PCDHGA5: variants seen among roughly 807,000 people sequenced by gnomAD.
The protein encoded by PCDHGA5 is protocadherin gamma subfamily A, 5.
In PCDHGA5, 36 loss-of-function variants were observed where a neutral mutation model predicts 56.7. The observed-to-expected ratio is 0.64, with a 90% CI of 0.49 to 0.84. PCDHGA5 has a LOEUF of 0.84. Ranked by LOEUF, PCDHGA5 falls within the 40% of genes least tolerant of loss-of-function variation. PCDHGA5 has a pLI of 0.00. For synonymous variants in PCDHGA5, 563 were observed against 520.2 expected, an observed-to-expected ratio of 1.08 and a Z score of -1.12; for missense variants, 1,305 against 1,201.5, an observed-to-expected ratio of 1.09 and a Z score of -1.27.
rs377701820 is a variant in PCDHGA5 at position 141,422,031 on chromosome 5, G to A, written c.2421+55280G>A. On this transcript the variant is annotated intron_variant, in intron 1 of 3. Coordinates refer to ENST00000518069, the MANE Select transcript of PCDHGA5 (RefSeq NM_018918.3). ...CTCGGGTGCTGATGGTTAATGCAAC[G>A]GATCCAGACGAGGGAATCAACGGGG... 127 of 1,610,494 alleles carry A rather than the reference G, an allele frequency of 7.9e-5. No individual in the cohort carries two copies. In the East Asian group the frequency reaches 2.4e-3, roughly 31 times the overall value.
At chr5:141,446,202 G>T (rs780900822) in intron 1 of PCDHGA5, among the ~76,000 whole-genome samples, 13 of 152,094 alleles carry the variant, frequency 8.5e-5, no homozygotes, top group Non-Finnish European at 1.8e-4. Context: ...ATATTCCTAG[G>T]TGTCTGAAAA....
At chr5:141,395,896 A>C (rs1229120477) in intron 1 of PCDHGA5, 2 of 152,188 alleles carry the variant, frequency 1.3e-5, no homozygotes, top group Admixed American at 6.5e-5. Flanking sequence ...CCTGGGCTCC[A>C]TGCCCATGGA....
chr5:141,435,254 G>C (rs1220755047), intron 1 of PCDHGA5, among the ~76,000 whole-genome samples: 1 of 152,018 alleles, frequency 6.6e-6, no homozygotes, highest in African/African-American at 2.4e-5. Flanking sequence ...GGCCATTAGG[G>C]ATATGTCCAT....
chr5:141,417,954 C>G, intron 1 of PCDHGA5: 2 of 1,613,600 alleles, frequency 1.2e-6, no homozygotes, highest in South Asian at 1.1e-5. Flanking sequence ...CTGTGTGAGC[C>G]GATCCGCTAC....
chr5:141,384,465 T>C, intron 1 of PCDHGA5: 2 of 1,614,118 alleles, frequency 1.2e-6, no homozygotes, highest in Non-Finnish European at 1.7e-6. Flanking sequence ...CCTTTGATTA[T>C]GAGCAGTTGA....
chr5:141,408,197 C>A (rs2095057098), intron 1 of PCDHGA5: 5 of 1,546,080 alleles, frequency 3.2e-6, no homozygotes, highest in Non-Finnish European at 4.4e-6. Context: ...AGAACCCGAG[C>A]GAACGATGGG....
chr5:141,403,021 A>G (rs1367554344), intron 1 of PCDHGA5: 2 of 1,613,944 alleles, frequency 1.2e-6, no homozygotes, highest in African/African-American at 1.3e-5. Flanking sequence ...TGGGGATGCT[A>G]TGGGAGGCCA....
At position 141,486,449 on chromosome 5, in the gene PCDHGA5, A is replaced by G; in HGVS notation, c.2422-8358A>G. On this transcript the variant is annotated intron_variant, in intron 1 of 3. Coordinates refer to ENST00000518069, the MANE Select transcript of PCDHGA5 (RefSeq NM_018918.3). The surrounding 1 kb of genome is among the most constrained non-coding windows in gnomAD (Gnocchi z 5.0). The stretch of plus-strand genomic sequence containing the variant: ...CAAATCTAGCTATGACATCATGGTC[A>G]CTGCTTCTGATGCTGGGAACCCTCC... The G allele has an allele frequency of 6.2e-7, 1 of 1,614,184 alleles. No homozygotes were observed. Among genetic ancestry groups the G allele is most frequent in the Non-Finnish European group, 8.5e-7 (1 of 1,180,000 alleles).
chr5:141,439,443 G>A (rs867907022), intron 1 of PCDHGA5, among the ~76,000 whole-genome samples: 1 of 152,164 alleles, frequency 6.6e-6, no homozygotes, highest in Non-Finnish European at 1.5e-5. Flanking sequence ...ATATTTTATT[G>A]CGGGAGCAAG....
Position 141,477,966 on chromosome 5 carries a change from G to A in PCDHGA5, c.2422-16841G>A, listed in dbSNP as rs2099426792. 6.2e-7 allele frequency: 1 copy of A among 1,614,118 alleles called. No individual in the cohort carries two copies. The highest frequency in any genetic ancestry group is 8.5e-7 in the Non-Finnish European group (1 of 1,180,036). ...AGTCTCTTGGGATCCCCTAACCAGAGCCTTTTTGCCATAGGGCTGCACACT... is the reference window on the plus strand; with the variant it reads ...AGTCTCTTGGGATCCCCTAACCAGAACCTTTTTGCCATAGGGCTGCACACT... On this transcript the variant is annotated intron_variant, in intron 1 of 3. Transcript: ENST00000518069. This position sits in a 1 kb window ranked among gnomAD's most constrained non-coding sequence, Gnocchi z 4.9.
At chr5:141,481,346 C>T (rs2099536003) in intron 1 of PCDHGA5, among the ~76,000 whole-genome samples, 1 of 152,248 alleles carries the variant, frequency 6.6e-6, no homozygotes, top group Non-Finnish European at 1.5e-5. Context: ...ATTATTTAAA[C>T]ATCTACAGCT....
intron 1 of PCDHGA5, chr5:141,392,935 A>G: frequency 1.2e-6 from 2 of 1,613,932 alleles, no homozygotes; most frequent in Non-Finnish European, 1.7e-6. Flanking sequence ...GAGACGGACA[A>G]AGGCTCCTTC....
At chr5:141,427,721 A>C (rs904969652) in intron 1 of PCDHGA5, 3 of 1,110,498 alleles carry the variant, frequency 2.7e-6, no homozygotes, top group Non-Finnish European at 4.0e-6. Context: ...ACCTGGACCT[A>C]GGGCTGAATG....
intron 1 of PCDHGA5, chr5:141,419,822 T>A: frequency 6.2e-7 from 1 of 1,614,058 alleles, no homozygotes; most frequent in Non-Finnish European, 8.5e-7. Flanking sequence ...GCCACCCCTT[T>A]CAGCCACTGC....
intron 1 of PCDHGA5, chr5:141,373,837 A>C (rs1457844906): frequency 9.4e-6 from 4 of 427,674 alleles, no homozygotes; most frequent in East Asian, 3.5e-5. Flanking sequence ...GTATTAAGTT[A>C]GGACTCTAAG....
Position 141,432,465 on chromosome 5 carries a change from C to G in PCDHGA5, c.2422-62342C>G. ...GAGATCCTGTACCCCGCCCTCCCCACGGACGGTTCCACTGGCGTGGAGCTG... is the reference window on the plus strand; with the variant it reads ...GAGATCCTGTACCCCGCCCTCCCCAGGGACGGTTCCACTGGCGTGGAGCTG... On this transcript the variant is annotated intron_variant, in intron 1 of 3. Transcript: ENST00000518069. The surrounding 1 kb of genome is among the most constrained non-coding windows in gnomAD (Gnocchi z 6.0). The G allele has an allele frequency of 6.2e-7, 1 of 1,614,222 alleles. No individual in the cohort carries two copies. Among genetic ancestry groups the G allele is most frequent in the Non-Finnish European group, 8.5e-7 (1 of 1,180,050 alleles).
intron 1 of PCDHGA5, chr5:141,382,920 C>T (rs894174603): frequency 2.6e-6 from 4 of 1,558,806 alleles, no homozygotes; most frequent in Admixed American, 1.9e-5. Flanking sequence ...AGCCGAGGGG[C>T]GGGGACTACA....
chr5:141,413,135 T>TGTCC (rs767378713), intron 1 of PCDHGA5: 1 of 1,545,632 alleles, frequency 6.5e-7, no homozygotes, highest in Non-Finnish European at 8.7e-7. Context: ...ACACACAACG[T>TGTCC]GTCCAGTGAG....
In PCDHGA5 at chr5:141,485,251, C is replaced by T. The variant is rs748522322; in HGVS notation, c.2422-9556C>T. 7 of 1,614,092 alleles carry T rather than the reference C, an allele frequency of 4.3e-6. No individual in the cohort carries two copies. In the South Asian group the frequency reaches 6.6e-5, roughly 15 times the overall value. On this transcript the variant is annotated intron_variant, in intron 1 of 3. Transcript: ENST00000518069. This position sits in a 1 kb window ranked among gnomAD's most constrained non-coding sequence, Gnocchi z 5.7. The stretch of plus-strand genomic sequence containing the variant: ...TGTTCCTCTTTTACCACCTGGGTTA[C>T]GTTTGTGGGCAGATCCGCTACCCGG...
Sources: allele counts gnomAD v4.1 joint callset (sites outside exome capture counted in the v4.1 genomes callset), GRCh38; gene constraint gnomAD v4.1.1; non-coding constraint Gnocchi (gnomAD v3.1); transcripts MANE v1.5; gene names NCBI Gene and HGNC (gene_info 2026-07-23, HGNC 2026-07-21).